The following ANO3 variants were observed in gnomAD, a reference collection of about 807,000 sequenced individuals.
The protein encoded by ANO3 is anoctamin-3.
A neutral mutation model predicts 144.8 loss-of-function variants in ANO3; 99 were observed. The observed-to-expected ratio is 0.68, with a 90% CI of 0.58 to 0.81. The LOEUF (loss-of-function observed/expected upper bound fraction) is 0.81, where lower values mean the gene tolerates loss of function less well. Among genes scored for constraint, ANO3 ranks in the 30% least tolerant of loss-of-function variants. ANO3 has a pLI of 0.00. For synonymous variants in ANO3, 414 were observed against 392.6 expected, an observed-to-expected ratio of 1.05 and a Z score of -0.64; for missense variants, 905 against 1,202.2, an observed-to-expected ratio of 0.75 and a Z score of 3.66.
intron 1 of ANO3, among the ~76,000 whole-genome samples, chr11:26,338,528 G>T (rs1208929097): frequency 2.0e-5 from 3 of 152,210 alleles, no homozygotes; most frequent in Admixed American, 6.5e-5. Flanking sequence ...CCAGCCAGCA[G>T]CAGCAACCCA....
chr11:26,631,013 T>C (rs1852759870), intron 18 of ANO3, among the ~76,000 whole-genome samples: 1 of 152,048 alleles, frequency 6.6e-6, no homozygotes, highest in Admixed American at 6.5e-5. Context: ...AATTAGTTTT[T>C]TGAAGAGTAC....
chr11:26,563,154 AATG>A, intron 14 of ANO3: 2 of 1,612,424 alleles, frequency 1.2e-6, no homozygotes, highest in East Asian at 4.5e-5. Context: ...CCGATGGGAA[AATG>A]AATCCGTTTT....
At chr11:26,390,302 C>A (rs1856840850) in intron 1 of ANO3, among the ~76,000 whole-genome samples, 1 of 151,954 alleles carries the variant, frequency 6.6e-6, no homozygotes, top group Non-Finnish European at 1.5e-5. Flanking sequence ...ACAGATTTTT[C>A]CCCCTCCTCC....
At chr11:26,304,730 T>C (rs1854331447), upstream of ANO3, among the ~76,000 whole-genome samples, 1 of 152,194 alleles carries the variant, frequency 6.6e-6, no homozygotes, top group Non-Finnish European at 1.5e-5. Flanking sequence ...TCTTAGGATT[T>C]GTGTTCAATT....
In ANO3 at chr11:26,560,846, G is replaced by A. The variant is rs966001663; in HGVS notation, c.1447+1067G>A. 1.7e-5 allele frequency: 7 copies of A among 423,212 alleles called. No individual in the cohort carries two copies. In the East Asian group the frequency reaches 1.7e-4, roughly 10 times the overall value. 26.2% of individuals were successfully genotyped at this position (423,212 alleles called of 1,614,324 possible). A position where few individuals can be genotyped will look rare whatever the true frequency, so the allele number is the denominator to read the frequency against. ...AAATACTACTAAAATACAAATTAAG[G>A]CTACTTAGTAAATGCCTCAGGATGG... On this transcript the variant is annotated intron_variant, in intron 14 of 26. Transcript: ENST00000256737.
At chr11:26,273,315 T>G (rs1432047192) in intron 1 of ANO3, among the ~76,000 whole-genome samples, 1 of 151,790 alleles carries the variant, frequency 6.6e-6, no homozygotes, top group Non-Finnish European at 1.5e-5. Flanking sequence ...AGTGGTCTAT[T>G]TGCCCCCATA....
chr11:26,373,336 G>T (rs1348946903), intron 1 of ANO3, among the ~76,000 whole-genome samples: 1 of 152,106 alleles, frequency 6.6e-6, no homozygotes, highest in East Asian at 1.9e-4. Flanking sequence ...GAGTTCTTAT[G>T]AGATCTGATG....
At chr11:26,627,074 G>T (rs907219365) in intron 18 of ANO3, among the ~76,000 whole-genome samples, 1 of 151,898 alleles carries the variant, frequency 6.6e-6, no homozygotes, top group Admixed American at 6.6e-5. Flanking sequence ...TCATAGTTGT[G>T]CAGTAATAAT....
intron 1 of ANO3, among the ~76,000 whole-genome samples, chr11:26,316,527 T>C (rs576446827): frequency 4.6e-5 from 7 of 152,246 alleles, no homozygotes; most frequent in Admixed American, 2.0e-4. Flanking sequence ...TAATCAGTAG[T>C]AATAATTGCA....
rs1384742368 is a variant in ANO3, at chr11:26,332,140, G to A, written c.-136G>A. ...GCGGGCGCGTAGCCTGGAGAGCGAAGTGCCGGCTACAGCAGGTGTCGGATT... is the reference window on the plus strand; with the variant it reads ...GCGGGCGCGTAGCCTGGAGAGCGAAATGCCGGCTACAGCAGGTGTCGGATT... On this transcript the variant is annotated 5_prime_UTR_variant, in exon 1 of 27. In the 5' UTR this introduces an upstream ATG that the reference lacks. Coordinates refer to ENST00000256737, the MANE Select transcript of ANO3 (RefSeq NM_031418.4). 1 of 1,538,004 alleles carries A rather than the reference G, an allele frequency of 6.5e-7. No homozygotes were observed. The highest frequency in any genetic ancestry group is 1.4e-5 in the African/African-American group (1 of 73,030).
chr11:26,500,815 G>A (rs776529441), intron 4 of ANO3, among the ~76,000 whole-genome samples: 7 of 151,194 alleles, frequency 4.6e-5, no homozygotes, highest in African/African-American at 7.3e-5. Context: ...AAAAACACCC[G>A]GTTTTGCTCT....
At chr11:26,284,909 G>T (rs1248801838) in intron 1 of ANO3, among the ~76,000 whole-genome samples, 1 of 152,038 alleles carries the variant, frequency 6.6e-6, no homozygotes, top group Admixed American at 6.6e-5. Context: ...CGTCTCAAAA[G>T]AAAAGAAAAA....
chr11:26,199,340 A>G (rs542536475), intron 1 of ANO3, among the ~76,000 whole-genome samples: 1 of 152,094 alleles, frequency 6.6e-6, no homozygotes, highest in Admixed American at 6.6e-5. Flanking sequence ...TAAAGAGAAA[A>G]TTTTATTTAA....
At chr11:26,203,043 C>T (rs1851728765) in intron 1 of ANO3, among the ~76,000 whole-genome samples, 1 of 152,052 alleles carries the variant, frequency 6.6e-6, no homozygotes, top group Non-Finnish European at 1.5e-5. Flanking sequence ...AGGATTTAAA[C>T]ATAAGACAAG....
chr11:26,644,915 A>G (rs751632153), intron 23 of ANO3, among the ~76,000 whole-genome samples: 1 of 152,136 alleles, frequency 6.6e-6, no homozygotes, highest in Middle Eastern at 3.4e-3. Flanking sequence ...ATATAAACAG[A>G]GATGCTGGTT....
At chr11:26,315,729 C>T (rs1391842759) in intron 1 of ANO3, among the ~76,000 whole-genome samples, 36 of 151,870 alleles carry the variant, frequency 2.4e-4, no homozygotes, top group Admixed American at 2.4e-3. Context: ...ACCTATCTAC[C>T]TACCTACCTA....
chr11:26,474,755 C>G (rs1859898577), intron 4 of ANO3, among the ~76,000 whole-genome samples: 1 of 151,746 alleles, frequency 6.6e-6, no homozygotes, highest in Non-Finnish European at 1.5e-5. Flanking sequence ...ATTTCCATTT[C>G]TACATCTATG....
chr11:26,313,392 A>C (rs1854545775), intron 1 of ANO3, among the ~76,000 whole-genome samples: 1 of 152,152 alleles, frequency 6.6e-6, no homozygotes, highest in East Asian at 1.9e-4. Context: ...TTATTAGAAA[A>C]ATACAGGTGA....
chr11:26,309,502 A>T (rs1310439781), upstream of ANO3: 1 of 197,274 alleles, frequency 5.1e-6, no homozygotes. Flanking sequence ...TTCAGAACTA[A>T]TTTGGCCTAT....
Sources: allele counts gnomAD v4.1 joint callset (sites outside exome capture counted in the v4.1 genomes callset), GRCh38; gene constraint gnomAD v4.1.1; transcripts MANE v1.5; gene names NCBI Gene and HGNC (gene_info 2026-07-23, HGNC 2026-07-21).